COP1: variants seen among roughly 807,000 people sequenced by gnomAD.
COP1 encodes COP1 E3 ubiquitin ligase.
COP1 carries 24 observed loss-of-function variants against 101.3 expected under a neutral mutation model. That is an observed-to-expected ratio of 0.24 (90% CI 0.17 to 0.33). COP1 has a LOEUF of 0.33. Among genes scored for constraint, COP1 ranks in the 10% least tolerant of loss-of-function variants. COP1 has a pLI of 1.00. For synonymous variants in COP1, 347 were observed against 341.9 expected (o/e 1.01, Z -0.17); for missense variants, 663 against 906.2 (o/e 0.73, Z 3.45).
At chr1:176,109,625 G>T (rs1684942902) in intron 9 of COP1, among the ~76,000 whole-genome samples, 1 of 151,738 alleles carries the variant, frequency 6.6e-6, no homozygotes. Flanking sequence ...CTTTTAAATT[G>T]GAATCTAATT....
At chr1:176,085,043 T>G (rs1216602394) in intron 10 of COP1, among the ~76,000 whole-genome samples, 7 of 152,146 alleles carry the variant, frequency 4.6e-5, no homozygotes, top group Non-Finnish European at 2.9e-5. Flanking sequence ...AGAACAGAGT[T>G]AAGAAAAAGA....
At chr1:176,166,879 G>A (rs1368179431) in intron 3 of COP1, among the ~76,000 whole-genome samples, 1 of 152,180 alleles carries the variant, frequency 6.6e-6, no homozygotes, top group African/African-American at 2.4e-5. Context: ...CGAGGCTGCA[G>A]TGAACCATGG....
intron 11 of COP1, 25 bp from the exon 12 acceptor site, chr1:176,046,349 C>G: frequency 6.3e-7 from 1 of 1,595,880 alleles, no homozygotes; most frequent in Non-Finnish European, 8.5e-7. Flanking sequence ...TATGTAATGA[C>G]AACATTTCAG....
intron 15 of COP1, among the ~76,000 whole-genome samples, chr1:176,008,190 C>T (rs1250958012): frequency 1.3e-5 from 2 of 152,218 alleles, no homozygotes. Flanking sequence ...CAATGCCTCG[C>T]CCTGCATCAG....
At chr1:176,063,118 G>A (rs1675252332) in intron 11 of COP1, among the ~76,000 whole-genome samples, 1 of 140,530 alleles carries the variant, frequency 7.1e-6, no homozygotes, top group South Asian at 2.3e-4. Context: ...GGACTGCAGT[G>A]GCGCAATCTC....
In COP1 at chr1:175,945,013, G is replaced by T. The variant is rs1356572383; in HGVS notation, c.*140C>A. The T allele has an allele frequency of 2.8e-6, 2 of 715,824 alleles. No individual in the cohort carries two copies. Among genetic ancestry groups the T allele is most frequent in the Non-Finnish European group, 4.7e-6 (2 of 425,306 alleles). 44.3% of individuals were successfully genotyped at this position (715,824 alleles called of 1,614,324 possible). On this transcript the variant is annotated 3_prime_UTR_variant, in exon 20 of 20. Transcript: ENST00000367669. ...TCATAAAGGAGGGAAAAGAAAAAAA[G>T]AAAAAAATATTCAAAACAAATCCAA...
chr1:176,198,289 T>TGTGTAGGG (rs1310637014), intron 1 of COP1, among the ~76,000 whole-genome samples: 1 of 152,152 alleles, frequency 6.6e-6, no homozygotes, highest in Non-Finnish European at 1.5e-5. Context: ...GGGATAAACA[T>TGTGTAGGG]ATATACACCA....
chr1:176,188,485 C>A (rs989042397), intron 1 of COP1, among the ~76,000 whole-genome samples: 4 of 152,122 alleles, frequency 2.6e-5, no homozygotes, highest in African/African-American at 9.7e-5. Flanking sequence ...TTCAGGACCT[C>A]TGTAACACTG....
chr1:176,161,603 TA>T lies in COP1; in HGVS notation c.762+1265del, dbSNP rs981936322. Among the ~76,000 whole-genome samples the T allele has an allele frequency of 1.6e-4, 23 of 147,104 alleles. 1 individual carries two copies. Among genetic ancestry groups the T allele is most frequent in the Admixed American group, 3.4e-4 (5 of 14,670 alleles). ...GGTGACAGAGGGAGACTTTGTCCCT[TA>T]AAAAAAAAAGAAAGTCTTTTATATT... On this transcript the variant is annotated intron_variant, in intron 5 of 19. Coordinates refer to ENST00000367669, the MANE Select transcript of COP1 (RefSeq NM_022457.7).
intron 8 of COP1, among the ~76,000 whole-genome samples, chr1:176,125,541 T>C (rs541711196): frequency 6.6e-6 from 1 of 152,304 alleles, no homozygotes; most frequent in African/African-American, 2.4e-5. Flanking sequence ...ACTGTAGGTG[T>C]GTGGATTTGT....
intron 8 of COP1, among the ~76,000 whole-genome samples, chr1:176,128,003 T>A (rs1263990953): frequency 6.6e-6 from 1 of 151,110 alleles, no homozygotes; most frequent in African/African-American, 2.4e-5. Flanking sequence ...TCTTTTTCTA[T>A]ATCTATGTCT....
At chr1:176,010,188 T>C (rs949977583) in intron 15 of COP1, among the ~76,000 whole-genome samples, 1 of 152,172 alleles carries the variant, frequency 6.6e-6, no homozygotes, top group African/African-American at 2.4e-5. Context: ...CTCTGCCCCC[T>C]GTACCGCTGA....
At chr1:176,130,854 G>A (rs1409329241) in intron 8 of COP1, among the ~76,000 whole-genome samples, 1 of 151,730 alleles carries the variant, frequency 6.6e-6, no homozygotes, top group Non-Finnish European at 1.5e-5. Context: ...ACATATTATA[G>A]AAACAGAATC....
intron 1 of COP1, among the ~76,000 whole-genome samples, chr1:176,204,235 T>C (rs1204561695): frequency 6.6e-6 from 1 of 152,304 alleles, no homozygotes; most frequent in African/African-American, 2.4e-5. Flanking sequence ...TAATTAGTAT[T>C]GTATTAAAAA....
At chr1:175,945,218 T>C (rs371398318) in intron 19 of COP1, 48 bp from the exon 20 acceptor site, 232 of 1,359,700 alleles carry the variant, frequency 1.7e-4, no homozygotes, top group Admixed American at 8.1e-4. Context: ...ATTTAAGATA[T>C]AAAAGGAATT....
At chr1:175,964,342 A>C (rs898302200) in intron 18 of COP1, among the ~76,000 whole-genome samples, 13 of 152,202 alleles carry the variant, frequency 8.5e-5, no homozygotes, top group African/African-American at 2.9e-4. Context: ...AAACAAAAAA[A>C]AGCCAACAAA....
intron 6 of COP1, among the ~76,000 whole-genome samples, chr1:176,146,012 TTG>T (rs1691538826): frequency 6.6e-6 from 1 of 152,228 alleles, no homozygotes; most frequent in Non-Finnish European, 1.5e-5. Flanking sequence ...ATATACTTTT[TTG>T]TGTTTTTCAT....
chr1:176,043,166 G>A lies in COP1; in HGVS notation c.1612+20C>T, dbSNP rs750699765. On this transcript the variant is annotated intron_variant, in intron 14 of 19. Coordinates refer to ENST00000367669, the MANE Select transcript of COP1 (RefSeq NM_022457.7). ...AGGGCCAGGGAGAAGGAGGTGCTGA[G>A]AAAGAGATTCAAACAGTACCTTTTG... 2.0e-5 allele frequency: 31 copies of A among 1,517,202 alleles called. No individual in the cohort carries two copies. The highest frequency in any genetic ancestry group is 2.8e-5 in the Non-Finnish European group (31 of 1,094,192). 94.0% of individuals were successfully genotyped at this position (1,517,202 alleles called of 1,614,324 possible).
chr1:175,955,978 T>C (rs996459385), intron 18 of COP1, among the ~76,000 whole-genome samples: 1 of 152,066 alleles, frequency 6.6e-6, no homozygotes, highest in Non-Finnish European at 1.5e-5. Context: ...ACTTTTCTAG[T>C]AGAAACTGGC....
Sources: gnomAD v4.1 joint callset for allele counts (sites outside exome capture counted in the v4.1 genomes callset) on GRCh38, gnomAD v4.1.1 for gene constraint, MANE v1.5 for transcripts, NCBI Gene and HGNC (gene_info 2026-07-23, HGNC 2026-07-21) for gene names.